MTCL1: variants seen among roughly 807,000 people sequenced by gnomAD.
MTCL1 encodes the protein microtubule crosslinking factor 1, also known as microtubule cross-linking factor 1.
In MTCL1, 79 loss-of-function variants were observed where a neutral mutation model predicts 141.4. The observed-to-expected ratio is 0.56, with a 90% CI of 0.47 to 0.67. MTCL1 has a LOEUF of 0.67. Among genes scored for constraint, MTCL1 ranks in the 30% least tolerant of loss-of-function variants. MTCL1 has a pLI of 0.00. For missense variants in MTCL1, 2,177 were observed against 2,113.9 expected, an observed-to-expected ratio of 1.03 and a Z score of -0.59; for synonymous variants, 914 against 875.8, an observed-to-expected ratio of 1.04 and a Z score of -0.77.
intron 16 of MTCL1, chr18:8,831,336 T>C (rs2144575264): frequency 7.8e-7 from 1 of 1,280,276 alleles, no homozygotes; most frequent in East Asian, 3.7e-5. Flanking sequence ...CCAGCCCAAT[T>C]CTAAAGGAGC....
intron 4 of MTCL1, among the ~76,000 whole-genome samples, chr18:8,726,381 G>C (rs1210585628): frequency 7.2e-6 from 1 of 138,918 alleles, no homozygotes; most frequent in African/African-American, 2.7e-5. Flanking sequence ...TAGTCAATTT[G>C]GTTCCTGGCG....
Position 8,720,362 on chromosome 18 carries a change from T to G in MTCL1, c.223T>G (p.Leu75Val), listed in dbSNP as rs150814411. Residue 75 changes from leucine (L) to valine (V), a missense_variant, in exon 4 of 17, where the codon TTG becomes GTG. Transcript: ENST00000359865. ...GGTAGCCAAAGATGTATCTGTCAGATTGCACCACGAACTTAAGACGGTGGA... is the reference window on the plus strand; with the variant it reads ...GGTAGCCAAAGATGTATCTGTCAGAGTGCACCACGAACTTAAGACGGTGGA... 3 of 1,614,036 alleles carry G rather than the reference T, an allele frequency of 1.9e-6. No individual in the cohort carries two copies. In the African/African-American group the frequency reaches 4.0e-5, roughly 22 times the overall value.
Position 8,825,234 on chromosome 18 carries a change from TC to T in MTCL1, c.3729del (p.Arg1244GlyfsTer37). ...CATGCTCAGCAGGTGGCCTTGCACC[TC>T]CCCCAGGCACTCCCGGGACTATGTG... On this transcript the variant is annotated frameshift_variant, in exon 15 of 17. Transcript: ENST00000359865. LOFTEE classifies it high-confidence loss of function. 3 of 1,596,106 alleles carry T rather than the reference TC, an allele frequency of 1.9e-6. No homozygotes were observed. Among genetic ancestry groups the T allele is most frequent in the Non-Finnish European group, 2.6e-6 (3 of 1,171,476 alleles).
At chr18:8,809,775 A>G (rs768646972) in intron 11 of MTCL1, 2 of 676,040 alleles carry the variant, frequency 3.0e-6, no homozygotes, top group South Asian at 2.0e-5. Flanking sequence ...AGAGACAACC[A>G]GTTGGGATGG....
At chr18:8,717,934 G>A (rs1006529632) in exon 2 of MTCL1, 2 of 998,364 alleles carry the variant, frequency 2.0e-6, no homozygotes, top group Non-Finnish European at 2.4e-6. Flanking sequence ...GATGCGTCTT[G>A]TGGAACAGAA....
At position 8,735,070 on chromosome 18, in the gene MTCL1, A is replaced by T. The variant is rs145826014; in HGVS notation, c.357+14574A>T. Among the ~76,000 whole-genome samples the T allele has an allele frequency of 2.6e-5, 4 of 152,348 alleles. No homozygotes were observed. The South Asian group carries it at 8.3e-4, about 32-fold the overall frequency. ...TCTGTCCATCAAAGCCAAGGCCCCA[A>T]TTTAGCTAGGATATATAATTACTCT... On this transcript the variant is annotated intron_variant, in intron 4 of 16. Coordinates refer to ENST00000359865, the Ensembl canonical transcript of MTCL1.
rs1206555463 is a variant in MTCL1 at position 8,828,875 on chromosome 18, C to CT, written c.4723-29dup. Reference sequence around the variant, plus strand: ...TAAAAAACACTTTCCAACCTTCTTGCTTTTCTTTTCTTTCTCTGTCTGTTC... The same window carrying CT: ...TAAAAAACACTTTCCAACCTTCTTGCTTTTTCTTTTCTTTCTCTGTCTGTTC... On this transcript the variant is annotated intron_variant, in intron 15 of 16. Coordinates refer to ENST00000359865, the Ensembl canonical transcript of MTCL1. The surrounding 1 kb of genome is among the most constrained non-coding windows in gnomAD (Gnocchi z 5.2). The CT allele has an allele frequency of 1.2e-6, 2 of 1,600,552 alleles. No individual in the cohort carries two copies.
intron 5 of MTCL1, among the ~76,000 whole-genome samples, chr18:8,781,508 C>G (rs980809402): frequency 7.9e-5 from 12 of 152,090 alleles, no homozygotes; most frequent in African/African-American, 2.9e-4. Flanking sequence ...TCCTAACGTG[C>G]AAAGAAGGAA....
At chr18:8,722,708 CAG>C (rs1429186176) in intron 4 of MTCL1, among the ~76,000 whole-genome samples, 1 of 152,070 alleles carries the variant, frequency 6.6e-6, no homozygotes, top group Non-Finnish European at 1.5e-5. Context: ...CTTGCTGTCT[CAG>C]GGGTGGCATA....
chr18:8,758,214 G>A (rs972518292), intron 4 of MTCL1, among the ~76,000 whole-genome samples: 3 of 151,804 alleles, frequency 2.0e-5, no homozygotes, highest in Non-Finnish European at 2.9e-5. Flanking sequence ...GTAGAGACGG[G>A]GTTTCTCCAT....
At chr18:8,734,043 A>T (rs1299804467) in intron 4 of MTCL1, among the ~76,000 whole-genome samples, 1 of 152,162 alleles carries the variant, frequency 6.6e-6, no homozygotes, top group African/African-American at 2.4e-5. Flanking sequence ...TCGTGGAAAC[A>T]TTACAGGTGA....
At chr18:8,747,478 C>G (rs2096345382) in intron 4 of MTCL1, among the ~76,000 whole-genome samples, 1 of 152,228 alleles carries the variant, frequency 6.6e-6, no homozygotes, top group Non-Finnish European at 1.5e-5. Flanking sequence ...CCACCCAAAT[C>G]TCTGCCTCTG....
chr18:8,772,416 T>A (rs899624706), intron 4 of MTCL1, among the ~76,000 whole-genome samples: 5 of 152,142 alleles, frequency 3.3e-5, no homozygotes, highest in Non-Finnish European at 7.4e-5. Flanking sequence ...TTTATTTTCC[T>A]GACCTTTTTT....
chr18:8,766,392 A>C (rs2096460074), intron 4 of MTCL1, among the ~76,000 whole-genome samples: 1 of 152,108 alleles, frequency 6.6e-6, no homozygotes, highest in South Asian at 2.1e-4. Context: ...CTGCAGGGAC[A>C]CTGTGTAGGC....
At position 8,784,404 on chromosome 18, in the gene MTCL1, G is replaced by C. The variant is rs148033470; in HGVS notation, c.1292G>C (p.Gly431Ala). 145 of 1,526,764 alleles carry C rather than the reference G, an allele frequency of 9.5e-5. No homozygotes were observed. In the African/African-American group the frequency reaches 1.8e-3, roughly 19 times the overall value. The allele number at this position is 1,526,764 out of a possible 1,614,324, so 94.6% of individuals were successfully genotyped here. ...GAGAAGACGTCGGGCTTCGGGAGCG[G>C]GAAGCCATCGGAGGCCAGCGAGCCA... is the stretch of plus-strand genomic sequence containing the variant. Residue 431 changes from glycine to alanine, a missense_variant, in exon 6 of 17, where the codon GGG (glycine) becomes GCG (alanine). By Grantham distance (60) the Gly-to-Ala change is moderately conservative. Transcript: ENST00000359865.
At chr18:8,789,143 TCTC>T (rs2075629380) in intron 7 of MTCL1, among the ~76,000 whole-genome samples, 1 of 152,148 alleles carries the variant, frequency 6.6e-6, no homozygotes, top group Non-Finnish European at 1.5e-5. Context: ...AAAGAGCTCT[TCTC>T]CTCAGTGCCT....
intron 4 of MTCL1, among the ~76,000 whole-genome samples, chr18:8,766,667 C>T (rs879645583): frequency 6.6e-6 from 1 of 152,206 alleles, no homozygotes; most frequent in Non-Finnish European, 1.5e-5. Flanking sequence ...TGGTTTTCAT[C>T]ACATGAAACC....
At chr18:8,786,320 A>G (rs1300497446) in intron 7 of MTCL1, 8 of 694,476 alleles carry the variant, frequency 1.2e-5, no homozygotes, top group Non-Finnish European at 2.1e-5. Flanking sequence ...GGGACAGCTC[A>G]CTGTAGGCAC....
chr18:8,827,142 C>T (rs79236611), intron 15 of MTCL1, among the ~76,000 whole-genome samples: 1,770 of 152,312 alleles, frequency 0.012, 43 homozygotes, highest in African/African-American at 0.041. Flanking sequence ...GAGCACTCTC[C>T]GAGCCAGGCT....
Sources: allele counts gnomAD v4.1 joint callset (sites outside exome capture counted in the v4.1 genomes callset), GRCh38; gene constraint gnomAD v4.1.1; non-coding constraint Gnocchi (gnomAD v3.1); transcripts MANE v1.5; gene names NCBI Gene and HGNC (gene_info 2026-07-23, HGNC 2026-07-21).